Variants in NKAIN3 observed in about 807,000 individuals in gnomAD.
The protein encoded by NKAIN3 is sodium/potassium transporting ATPase interacting 3.
In NKAIN3, 25 loss-of-function variants were observed where a neutral mutation model predicts 30.2. The ratio of observed to expected loss-of-function variants is 0.83; its 90% CI spans 0.60 to 1.16. The LOEUF is 1.16. NKAIN3 is among the 50% of genes most tolerant of loss of function. The probability of loss-of-function intolerance (pLI) is 0.00; values close to 1 mark genes in which losing one functional copy is unlikely to be tolerated. For synonymous variants in NKAIN3, 91 were observed against 89.6 expected, an observed-to-expected ratio of 1.02 and a Z score of -0.09; for missense variants, 225 against 254.1, an observed-to-expected ratio of 0.89 and a Z score of 0.78.
At chr8:62,728,220 A>G (rs1815320666) in intron 3 of NKAIN3, among the ~76,000 whole-genome samples, 1 of 152,216 alleles carries the variant, frequency 6.6e-6, no homozygotes, top group Non-Finnish European at 1.5e-5. Flanking sequence ...TCATCAGAGA[A>G]AGTCTAGATG....
chr8:62,934,143 G>A (rs1822709078), intron 5 of NKAIN3, among the ~76,000 whole-genome samples: 1 of 152,150 alleles, frequency 6.6e-6, no homozygotes, highest in Admixed American at 6.5e-5. Flanking sequence ...CCAGCAGTTT[G>A]GGAAGCCAAG....
At chr8:62,358,908 G>A (rs574955871) in intron 1 of NKAIN3, among the ~76,000 whole-genome samples, 125 of 152,270 alleles carry the variant, frequency 8.2e-4, no homozygotes, top group South Asian at 6.6e-3. Context: ...ATGGCCGGGC[G>A]CGGTGGCTCA....
At chr8:62,585,979 G>A (rs1563471124) in intron 2 of NKAIN3, among the ~76,000 whole-genome samples, 1 of 152,028 alleles carries the variant, frequency 6.6e-6, no homozygotes, top group Non-Finnish European at 1.5e-5. Flanking sequence ...TAATCAAGCA[G>A]GTTTTAACTC....
chr8:62,396,960 A>C (rs1817784067), intron 1 of NKAIN3, among the ~76,000 whole-genome samples: 1 of 152,214 alleles, frequency 6.6e-6, no homozygotes, highest in Non-Finnish European at 1.5e-5. Flanking sequence ...AGTGATATAC[A>C]TACAGGTTTT....
At chr8:62,612,301 G>T (rs1451716777) in intron 3 of NKAIN3, among the ~76,000 whole-genome samples, 1 of 151,846 alleles carries the variant, frequency 6.6e-6, no homozygotes, top group Non-Finnish European at 1.5e-5. Flanking sequence ...CTCTCACATT[G>T]GGTGCGTATA....
chr8:62,544,778 A>G (rs550113407), intron 1 of NKAIN3, among the ~76,000 whole-genome samples: 30 of 152,302 alleles, frequency 2.0e-4, no homozygotes, highest in Admixed American at 6.5e-4. Flanking sequence ...AAATTTGCAT[A>G]TAACTTTTGA....
intron 3 of NKAIN3, among the ~76,000 whole-genome samples, chr8:62,635,606 G>C (rs1250661046): frequency 1.3e-5 from 2 of 152,044 alleles, no homozygotes; most frequent in Non-Finnish European, 2.9e-5. Context: ...AGGTGATCAG[G>C]ATTAGTGTCC....
At chr8:62,366,138 GTTTCTAGGAATTTACTGT>G (rs533230930) in intron 1 of NKAIN3, among the ~76,000 whole-genome samples, 7 of 150,712 alleles carry the variant, frequency 4.6e-5, no homozygotes, top group African/African-American at 1.7e-4. Flanking sequence ...TAGGTTGTAT[GTTTCTAGGAATTTACTGT>G]TTTATTTTAA....
chr8:62,572,832 A>T (rs1206202169), intron 1 of NKAIN3, among the ~76,000 whole-genome samples: 4 of 152,212 alleles, frequency 2.6e-5, no homozygotes, highest in Non-Finnish European at 4.4e-5. Flanking sequence ...ACAACGTGGG[A>T]ATTATGGGAG....
At chr8:62,322,020 C>A (rs767580823) in intron 1 of NKAIN3, among the ~76,000 whole-genome samples, 1 of 152,140 alleles carries the variant, frequency 6.6e-6, no homozygotes, top group African/African-American at 2.4e-5. Context: ...ACTCAAGCCT[C>A]GGCAATGGCC....
At chr8:62,261,695 G>C (rs1041624102) in intron 1 of NKAIN3, among the ~76,000 whole-genome samples, 1 of 152,098 alleles carries the variant, frequency 6.6e-6, no homozygotes, top group Non-Finnish European at 1.5e-5. Flanking sequence ...ATTCTATCTT[G>C]AAGAAGGCTT....
At chr8:62,482,422 T>C (rs1228933804) in intron 1 of NKAIN3, 4 of 152,196 alleles carry the variant, frequency 2.6e-5, no homozygotes, top group African/African-American at 4.8e-5. Context: ...AATATCTTAC[T>C]TCCACCAATT....
intron 4 of NKAIN3, among the ~76,000 whole-genome samples, chr8:62,796,817 A>C (rs867441631): frequency 3.9e-4 from 16 of 41,316 alleles, no homozygotes; most frequent in South Asian, 1.7e-3. Flanking sequence ...CACACACACA[A>C]ATACTCATGA....
intron 1 of NKAIN3, among the ~76,000 whole-genome samples, chr8:62,321,749 G>A (rs1024355335): frequency 2.0e-5 from 3 of 152,178 alleles, no homozygotes; most frequent in African/African-American, 7.2e-5. Context: ...ACTGGGGGGT[G>A]CCTCCCAGTT....
chr8:62,366,205 C>A (rs1327229266), intron 1 of NKAIN3, among the ~76,000 whole-genome samples: 2 of 141,948 alleles, frequency 1.4e-5, no homozygotes, highest in Non-Finnish European at 1.5e-5. Flanking sequence ...TTACAGCAGT[C>A]TTTTGTGATT....
intron 1 of NKAIN3, among the ~76,000 whole-genome samples, chr8:62,316,342 C>CAT (rs1814626187): frequency 6.6e-6 from 1 of 151,966 alleles, no homozygotes; most frequent in Non-Finnish European, 1.5e-5. Flanking sequence ...AGGTTAGTTA[C>CAT]ATATATATAC....
At chr8:62,742,063 C>G (rs1815918316) in intron 3 of NKAIN3, among the ~76,000 whole-genome samples, 1 of 151,944 alleles carries the variant, frequency 6.6e-6, no homozygotes, top group African/African-American at 2.4e-5. Context: ...AGCTGGGACT[C>G]TTTTTCACAA....
intron 1 of NKAIN3, among the ~76,000 whole-genome samples, chr8:62,360,721 G>A (rs1317265746): frequency 6.6e-6 from 1 of 152,032 alleles, no homozygotes; most frequent in East Asian, 1.9e-4. Context: ...TCAGTGGGGT[G>A]TTAAAGTCTC....
At chr8:62,985,059 C>T (rs969103277), downstream of NKAIN3, among the ~76,000 whole-genome samples, 2 of 152,184 alleles carry the variant, frequency 1.3e-5, no homozygotes, top group African/African-American at 2.4e-5. Context: ...AGCTACATGA[C>T]TATAGGAAAC....
Sources: gnomAD v4.1 joint callset for allele counts (sites outside exome capture counted in the v4.1 genomes callset) on GRCh38, gnomAD v4.1.1 for gene constraint, MANE v1.5 for transcripts, NCBI Gene and HGNC (gene_info 2026-07-23, HGNC 2026-07-21) for gene names.